The following DESI2 variants were observed in gnomAD, a reference collection of about 807,000 sequenced individuals.
The protein encoded by DESI2 is desumoylating isopeptidase 2.
Under a neutral mutation model 24.1 loss-of-function variants are expected in DESI2, and 10 were observed. That is an observed-to-expected ratio of 0.41 (90% CI 0.26 to 0.70). DESI2 has a LOEUF of 0.70. DESI2 is among the 30% of genes least tolerant of loss of function. The pLI is 0.29. For synonymous variants in DESI2, 71 were observed against 87.7 expected (o/e 0.81, Z 1.06); for missense variants, 122 against 234.9 (o/e 0.52, Z 3.14).
chr1:244,696,364 G>A (rs999327117), intron 4 of DESI2, among the ~76,000 whole-genome samples: 18 of 152,216 alleles, frequency 1.2e-4, no homozygotes, highest in African/African-American at 4.1e-4. Flanking sequence ...GCTCACGCCT[G>A]TAATCCCAGT....
In DESI2 at chr1:244,705,799, A is replaced by G; in HGVS notation, c.*10A>G. ...CCACACTAAACTATAAATGTCTCCA[A>G]AGTCACACATTCAGAACTGTCTCTG... On this transcript the variant is annotated 3_prime_UTR_variant, in exon 5 of 5. Transcript: ENST00000302550. 1.3e-6 allele frequency: 2 copies of G among 1,589,138 alleles called. No individual in the cohort carries two copies. The highest frequency in any genetic ancestry group is 2.2e-5 in the South Asian group (2 of 90,600).
At chr1:244,661,650 A>G (rs1675848369) in intron 1 of DESI2, among the ~76,000 whole-genome samples, 1 of 152,038 alleles carries the variant, frequency 6.6e-6, no homozygotes, top group African/African-American at 2.4e-5. Flanking sequence ...ATGAGTGAGA[A>G]CATGCGGTGT....
At chr1:244,701,394 T>C (rs1482916134) in intron 4 of DESI2, among the ~76,000 whole-genome samples, 1 of 152,108 alleles carries the variant, frequency 6.6e-6, no homozygotes, top group African/African-American at 2.4e-5. Context: ...AGATCCACAA[T>C]GTTTGGAGAA....
At chr1:244,679,667 T>C (rs765422850) in intron 1 of DESI2, among the ~76,000 whole-genome samples, 2 of 152,152 alleles carry the variant, frequency 1.3e-5, no homozygotes, top group Non-Finnish European at 2.9e-5. Context: ...GGCCAGGAGT[T>C]TGAGACCAAT....
intron 4 of DESI2, among the ~76,000 whole-genome samples, chr1:244,698,154 C>T (rs1000808241): frequency 6.6e-5 from 10 of 152,262 alleles, no homozygotes; most frequent in South Asian, 2.1e-4. Context: ...CTTGTAATGT[C>T]GCAGATGCGA....
intron 1 of DESI2, chr1:244,653,662 CT>C: frequency 2.0e-6 from 1 of 490,436 alleles, no homozygotes; most frequent in Non-Finnish European, 3.6e-6. Context: ...GTGCAGTGTC[CT>C]TTCGGCAAAG....
intron 1 of DESI2, among the ~76,000 whole-genome samples, chr1:244,663,423 A>G (rs1017300293): frequency 1.1e-4 from 16 of 151,786 alleles, no homozygotes; most frequent in East Asian, 2.0e-4. Flanking sequence ...TGATCCGCCC[A>G]CCTCAGCCTC....
intron 1 of DESI2, among the ~76,000 whole-genome samples, chr1:244,655,842 A>G (rs896834883): frequency 2.0e-5 from 3 of 152,190 alleles, no homozygotes; most frequent in Non-Finnish European, 2.9e-5. Flanking sequence ...AAAGGAGACA[A>G]AACTGAAAGT....
chr1:244,675,277 A>G (rs538648292), intron 1 of DESI2, among the ~76,000 whole-genome samples: 4 of 152,174 alleles, frequency 2.6e-5, no homozygotes, highest in African/African-American at 4.8e-5. Context: ...GTGTTCTTCA[A>G]AGCACTAAAG....
At chr1:244,671,042 A>G (rs987136732) in intron 1 of DESI2, among the ~76,000 whole-genome samples, 4 of 152,172 alleles carry the variant, frequency 2.6e-5, no homozygotes, top group Non-Finnish European at 5.9e-5. Flanking sequence ...TGACCAAATG[A>G]TATCTTCGGT....
chr1:244,653,149 G>T lies in DESI2; in HGVS notation c.-165G>T, dbSNP rs1412089331. 3 of 612,094 alleles carry T rather than the reference G, an allele frequency of 4.9e-6. No individual in the cohort carries two copies. Among genetic ancestry groups the T allele is most frequent in the South Asian group, 5.6e-5 (1 of 17,862 alleles). 37.9% of individuals were successfully genotyped at this position (612,094 alleles called of 1,614,324 possible). Reference sequence around the variant, plus strand: ...ACAGACGCTCCTGTCGGCGGCGCCCGGGAGCGGCTCGGCTGCCCGATGCTT... The same window carrying T: ...ACAGACGCTCCTGTCGGCGGCGCCCTGGAGCGGCTCGGCTGCCCGATGCTT... On this transcript the variant is annotated 5_prime_UTR_variant, in exon 1 of 5. Coordinates refer to ENST00000302550, the MANE Select transcript of DESI2 (RefSeq NM_016076.5).
In DESI2 at chr1:244,707,124, T is replaced by G. The variant is rs998385945; in HGVS notation, c.*1335T>G. On this transcript the variant is annotated 3_prime_UTR_variant, in exon 5 of 5. Coordinates refer to ENST00000302550, the MANE Select transcript of DESI2 (RefSeq NM_016076.5). ...TAAAATATTGGATGCAGTGTAACAC[T>G]ATCCAAGGCAGTGACTTCAGCTTTA... 3 of 152,666 alleles carry G rather than the reference T, an allele frequency of 2.0e-5. No homozygotes were observed. The highest frequency in any genetic ancestry group is 2.0e-4 in the Admixed American group (3 of 15,276). 9.5% of individuals were successfully genotyped at this position (152,666 alleles called of 1,614,324 possible).
chr1:244,705,903 A>G lies in DESI2; in HGVS notation c.*114A>G. On this transcript the variant is annotated 3_prime_UTR_variant, in exon 5 of 5. Transcript: ENST00000302550. ...TGTATGCAAAGATGGCTCTCCCCCAAATCCCAGTTTTTCAGCTCAGGATTA... is the reference window on the plus strand; with the variant it reads ...TGTATGCAAAGATGGCTCTCCCCCAGATCCCAGTTTTTCAGCTCAGGATTA... 2 of 748,746 alleles carry G rather than the reference A, an allele frequency of 2.7e-6. No homozygotes were observed. Among genetic ancestry groups the G allele is most frequent in the Non-Finnish European group, 4.3e-6 (2 of 470,368 alleles). 46.4% of individuals were successfully genotyped at this position (748,746 alleles called of 1,614,324 possible). A position where few individuals can be genotyped will look rare whatever the true frequency, so the allele number is the denominator to read the frequency against.
chr1:244,676,244 T>C (rs1322022146), intron 1 of DESI2, among the ~76,000 whole-genome samples: 1 of 151,874 alleles, frequency 6.6e-6, no homozygotes, highest in African/African-American at 2.4e-5. Context: ...ACCCGGCTCA[T>C]TTTTTGTATT....
intron 1 of DESI2, among the ~76,000 whole-genome samples, chr1:244,670,554 TAC>T (rs1676212012): frequency 6.6e-6 from 1 of 152,242 alleles, no homozygotes; most frequent in South Asian, 2.1e-4. Context: ...AAGTACTTTA[TAC>T]ATACTAATTT....
Position 244,708,838 on chromosome 1 carries a change from AAGTGTTAC to A in DESI2, c.*3052_*3059del, listed in dbSNP as rs1677814643. On this transcript the variant is annotated 3_prime_UTR_variant, in exon 5 of 5. Transcript: ENST00000302550. ...TACATGTACATCTTTACTGTTTGAA[AAGTGTTAC>A]AGCTGTCAAAGAATCTTCATGGACC... 1 of 152,614 alleles carries A rather than the reference AAGTGTTAC, an allele frequency of 6.6e-6. No individual in the cohort carries two copies. The highest frequency in any genetic ancestry group is 1.5e-5 in the Non-Finnish European group (1 of 68,028). 9.5% of individuals were successfully genotyped at this position (152,614 alleles called of 1,614,324 possible). A position where few individuals can be genotyped will look rare whatever the true frequency, so the allele number is the denominator to read the frequency against.
At chr1:244,664,699 A>G (rs1027335280) in intron 1 of DESI2, among the ~76,000 whole-genome samples, 2 of 152,254 alleles carry the variant, frequency 1.3e-5, no homozygotes, top group African/African-American at 4.8e-5. Context: ...CCTGTCTCAA[A>G]AATAAATACA....
At chr1:244,665,585 C>T (rs1005557651) in intron 1 of DESI2, among the ~76,000 whole-genome samples, 1 of 152,180 alleles carries the variant, frequency 6.6e-6, no homozygotes, top group Non-Finnish European at 1.5e-5. Context: ...TTTAGTCAGA[C>T]ACCAGTCTAG....
chr1:244,663,785 A>G (rs985947824), intron 1 of DESI2, among the ~76,000 whole-genome samples: 83 of 151,604 alleles, frequency 5.5e-4, no homozygotes, highest in Non-Finnish European at 8.3e-4. Context: ...TTGGGAGGCC[A>G]AGGTGGACGG....
Sources: allele counts gnomAD v4.1 joint callset (sites outside exome capture counted in the v4.1 genomes callset), GRCh38; gene constraint gnomAD v4.1.1; transcripts MANE v1.5; gene names NCBI Gene and HGNC (gene_info 2026-07-23, HGNC 2026-07-21).